CFAP74: variants seen among roughly 807,000 people sequenced by gnomAD.
The protein encoded by CFAP74 is cilia- and flagella-associated protein 74.
In CFAP74, 124 loss-of-function variants were observed where a neutral mutation model predicts 188.9. That is an observed-to-expected ratio of 0.66 (90% CI 0.57 to 0.76). CFAP74 has a LOEUF of 0.76. Ranked by LOEUF, CFAP74 falls within the 30% of genes least tolerant of loss-of-function variation. The pLI is 0.00. For synonymous variants in CFAP74, 956 were observed against 916.7 expected (o/e 1.04, Z -0.77); for missense variants, 2,198 against 2,165.2 (o/e 1.02, Z -0.30).
chr1:1,997,228 G>A (rs547823573), intron 1 of CFAP74, among the ~76,000 whole-genome samples: 36 of 151,882 alleles, frequency 2.4e-4, no homozygotes, highest in Non-Finnish European at 5.0e-4. Context: ...TTCGAGACCA[G>A]CCTGACCAAT....
chr1:1,988,582 G>A lies in CFAP74; in HGVS notation c.226C>T (p.His76Tyr), dbSNP rs1189447405. ...KTAEDRTQAF[H>Y]LRQNLSALDK... ...AGGGCGCTCAGGTTCTGCCGCAGGTGAAATGCCTGCGTTCTGTCCTCAGCT... is the reference window on the plus strand; with the variant it reads ...AGGGCGCTCAGGTTCTGCCGCAGGTAAAATGCCTGCGTTCTGTCCTCAGCT... Residue 76 changes from histidine to tyrosine, a missense_variant, in exon 4 of 39, where the codon CAC becomes TAC. His to Tyr is a moderately conservative substitution (Grantham distance 83). Coordinates refer to ENST00000682832, the MANE Select transcript of CFAP74 (RefSeq NM_001304360.2). 4 of 1,613,242 alleles carry A rather than the reference G, an allele frequency of 2.5e-6. No homozygotes were observed. The highest frequency in any genetic ancestry group is 1.7e-5 in the Admixed American group (1 of 60,026).
At chr1:1,963,717 C>T (rs759196938) in intron 14 of CFAP74, 32 bp downstream of exon 14, 51 of 1,419,438 alleles carry the variant, frequency 3.6e-5, no homozygotes, top group South Asian at 3.2e-4. Context: ...GTCCCTGCAC[C>T]GCGTCCCTCC....
At chr1:1,985,360 C>T in intron 6 of CFAP74, 26 bp downstream of exon 6, 1 of 1,591,424 alleles carries the variant, frequency 6.3e-7, no homozygotes, top group South Asian at 1.1e-5. Flanking sequence ...CTGCCTGCTG[C>T]CAGTCCCGGC....
intron 37 of CFAP74, 67 bp from the exon 38 acceptor site, chr1:1,922,790 G>A (rs368099724): frequency 7.1e-6 from 11 of 1,552,908 alleles, no homozygotes; most frequent in South Asian, 1.2e-5. Context: ...GGGACTAGGG[G>A]TGAGGGTGCC....
Position 1,987,029 on chromosome 1 carries a change from C to G in CFAP74, c.303G>C (p.Glu101Asp). 6.3e-7 allele frequency: 1 copy of G among 1,597,262 alleles called. No homozygotes were observed. Among genetic ancestry groups the G allele is most frequent in the Non-Finnish European group, 8.5e-7 (1 of 1,175,992 alleles). Reference protein sequence around the residue: ...QELFTEKMRGELRACRQRRDL... With the variant: ...QELFTEKMRGDLRACRQRRDL... ...CCCGCCTCTGCCGACAGGCGCGCAGCTCCCCTCTGGAACAGGGAAACAAAG... is the reference window on the plus strand; with the variant it reads ...CCCGCCTCTGCCGACAGGCGCGCAGGTCCCCTCTGGAACAGGGAAACAAAG... The change falls in exon 5 of 39, where the codon GAG (glutamate) becomes GAC (aspartate). Residue 101 changes from glutamate (E) to aspartate (D), a missense_variant. Transcript: ENST00000682832.
rs1657386783 is a variant in CFAP74, at chr1:1,988,636, T to C, written c.172A>G (p.Thr58Ala). 1 of 1,609,942 alleles carries C rather than the reference T, an allele frequency of 6.2e-7. No individual in the cohort carries two copies. Among genetic ancestry groups the C allele is most frequent in the Non-Finnish European group, 8.5e-7 (1 of 1,179,986 alleles). ...TTCTTCTTCAATTTATCAGCATCAG[T>C]ATCTAGTTCTTTCACTGAGCTTAGG... ...GHSSSVKELD[T>A]DADKLKKKTA... The change falls in exon 4 of 39, where the codon ACT (threonine) becomes GCT (alanine). Residue 58 changes from threonine (T) to alanine (A), a missense_variant. Thr to Ala is a moderately conservative substitution (Grantham distance 58). Transcript: ENST00000682832.
intron 9 of CFAP74, among the ~76,000 whole-genome samples, chr1:1,971,373 T>TG (rs1558043399): frequency 7.0e-6 from 1 of 141,902 alleles, no homozygotes; most frequent in African/African-American, 2.7e-5. Flanking sequence ...ACACACACGG[T>TG]CACACATGCA....
At chr1:1,953,228 T>C (rs541545453) in intron 18 of CFAP74, 46 of 151,650 alleles carry the variant, frequency 3.0e-4, no homozygotes, top group African/African-American at 1.1e-3. Flanking sequence ...AATAATTAAA[T>C]GGATCAATTA....
intron 15 of CFAP74, 35 bp downstream of exon 15, chr1:1,959,929 T>C (rs751218059): frequency 5.2e-6 from 8 of 1,542,156 alleles, no homozygotes; most frequent in Non-Finnish European, 7.0e-6. Context: ...CACCACCACC[T>C]CCCCTTCGAG....
chr1:1,998,030 C>A, intron 1 of CFAP74, among the ~76,000 whole-genome samples: 1 of 152,234 alleles, frequency 6.6e-6, no homozygotes, highest in Non-Finnish European at 1.5e-5. Context: ...ATAATCCCAG[C>A]ACTTTGGGAG....
intron 18 of CFAP74, among the ~76,000 whole-genome samples, chr1:1,950,484 T>G (rs1414699592): frequency 1.3e-5 from 2 of 151,964 alleles, no homozygotes; most frequent in African/African-American, 4.8e-5. Flanking sequence ...GGATTACAGG[T>G]GTCTGCCGCC....
intron 1 of CFAP74, among the ~76,000 whole-genome samples, chr1:1,997,007 C>T (rs1179144599): frequency 6.6e-6 from 1 of 150,948 alleles, no homozygotes; most frequent in Non-Finnish European, 1.5e-5. Context: ...AAAATTACCA[C>T]AGCAAACGTC....
intron 14 of CFAP74, among the ~76,000 whole-genome samples, chr1:1,962,399 C>T (rs1038314857): frequency 2.0e-5 from 3 of 150,410 alleles, no homozygotes; most frequent in Admixed American, 1.3e-4. Flanking sequence ...TCGCTTGAAC[C>T]CAGGAGGCAG....
At chr1:1,934,383 CGTGT>C (rs563954495) in intron 25 of CFAP74, among the ~76,000 whole-genome samples, 1 of 34,906 alleles carries the variant, frequency 2.9e-5, no homozygotes, top group Non-Finnish European at 6.5e-5. Context: ...CACATGTGTA[CGTGT>C]GTGTTAGGTT....
chr1:1,952,610 G>GAAAGAAAGAAAGAA (rs555514879), intron 18 of CFAP74, among the ~76,000 whole-genome samples: 1 of 151,360 alleles, frequency 6.6e-6, no homozygotes, highest in African/African-American at 2.4e-5. Flanking sequence ...AAGAAAGAAA[G>GAAAGAAAGAAAGAA]AAAGACAGAC....
chr1:1,969,244 T>A (rs892543565), intron 10 of CFAP74, among the ~76,000 whole-genome samples: 2 of 17,956 alleles, frequency 1.1e-4, no homozygotes, highest in African/African-American at 2.3e-4. Flanking sequence ...AACCCAGCCC[T>A]GCCCAGCCCT....
chr1:1,953,592 T>G (rs935677736), intron 18 of CFAP74: 1 of 153,672 alleles, frequency 6.5e-6, no homozygotes, highest in Non-Finnish European at 1.5e-5. Context: ...CCACTGTGCC[T>G]GGATGGTCAA....
chr1:1,927,906 C>T (rs1390382609), intron 27 of CFAP74, 160 bp from the exon 28 acceptor site: 3 of 721,608 alleles, frequency 4.2e-6, no homozygotes, highest in Non-Finnish European at 2.2e-6. Context: ...AGACAGTAGC[C>T]AGTGCGGAGG....
chr1:1,982,885 A>C (rs1656996182), intron 6 of CFAP74, among the ~76,000 whole-genome samples: 1 of 152,256 alleles, frequency 6.6e-6, no homozygotes. Flanking sequence ...ACAGGCAGGC[A>C]GAGCTGCGTG....
Sources: allele counts gnomAD v4.1 joint callset (sites outside exome capture counted in the v4.1 genomes callset), GRCh38; gene constraint gnomAD v4.1.1; transcripts MANE v1.5; gene names NCBI Gene and HGNC (gene_info 2026-07-23, HGNC 2026-07-21).